The following IGFL2 variants were observed in gnomAD, a reference collection of about 807,000 sequenced individuals.
IGFL2 encodes the protein IGF like family member 2, also known as insulin growth factor-like family member 2.
IGFL2 carries 7 observed loss-of-function variants against 13.9 expected under a neutral mutation model. The observed-to-expected ratio is 0.51, with a 90% CI of 0.29 to 0.95. The LOEUF is 0.95. Among genes scored for constraint, IGFL2 ranks in the 40% least tolerant of loss-of-function variants. The pLI is 0.08. For missense variants in IGFL2, 138 were observed against 147.8 expected (o/e 0.93, Z 0.34); for synonymous variants, 55 against 55.8 (o/e 0.99, Z 0.07).
the IGFL2 span, among the ~76,000 whole-genome samples, chr19:46,123,010 A>G: frequency 1.1e-4 from 16 of 151,070 alleles, no homozygotes; most frequent in Non-Finnish European, 2.2e-4. Flanking sequence ...ATGCTATGAC[A>G]TGATTTTCCC....
chr19:46,183,796 A>G, the IGFL2 span, among the ~76,000 whole-genome samples: 3 of 152,100 alleles, frequency 2.0e-5, no homozygotes, highest in African/African-American at 7.2e-5. Flanking sequence ...TCGGCCTTCC[A>G]AAGTGCTGGG....
At chr19:46,093,161 T>C in the IGFL2 span, among the ~76,000 whole-genome samples, 1 of 152,198 alleles carries the variant, frequency 6.6e-6, no homozygotes, top group East Asian at 1.9e-4. Flanking sequence ...AGATCTTTGC[T>C]TAAAGACCTT....
At chr19:46,208,725 G>T in the IGFL2 span, 1 of 152,096 alleles carries the variant, frequency 6.6e-6, no homozygotes, top group South Asian at 2.1e-4. Flanking sequence ...GAAGTTCCCG[G>T]CTCGCTCTCT....
At chr19:46,129,329 G>GTGTGTGTGTC in the IGFL2 span, among the ~76,000 whole-genome samples, 2 of 151,302 alleles carry the variant, frequency 1.3e-5, no homozygotes, top group South Asian at 2.1e-4. Context: ...GTGTGTGTGT[G>GTGTGTGTGTC]TGTGTGTGTG....
chr19:46,107,341 A>C, the IGFL2 span, among the ~76,000 whole-genome samples: 1 of 152,162 alleles, frequency 6.6e-6, no homozygotes. Context: ...TCTGGGAAGG[A>C]GTCAGTCAGA....
the IGFL2 span, among the ~76,000 whole-genome samples, chr19:46,098,855 C>A: frequency 6.6e-6 from 1 of 152,192 alleles, no homozygotes; most frequent in African/African-American, 2.4e-5. Flanking sequence ...TGTGTTTGAT[C>A]CTGTCATCAT....
the IGFL2 span, among the ~76,000 whole-genome samples, chr19:46,100,120 A>G: frequency 6.6e-6 from 1 of 151,814 alleles, no homozygotes. Context: ...CCTTCTGTCA[A>G]CTCATCCATC....
At chr19:46,119,782 C>A in the IGFL2 span, among the ~76,000 whole-genome samples, 3 of 148,142 alleles carry the variant, frequency 2.0e-5, no homozygotes, top group Non-Finnish European at 3.0e-5. Context: ...CTCAATTGCT[C>A]ACCAGTGGGT....
upstream of IGFL2, among the ~76,000 whole-genome samples, chr19:46,139,955 CATAT>C (rs368791741): frequency 6.6e-6 from 1 of 151,204 alleles, no homozygotes; most frequent in Non-Finnish European, 1.5e-5. Flanking sequence ...CACACACACA[CATAT>C]ATATTTTGAG....
upstream of IGFL2, among the ~76,000 whole-genome samples, chr19:46,145,589 C>A (rs1394496338): frequency 7.3e-6 from 1 of 136,490 alleles, no homozygotes; most frequent in Non-Finnish European, 1.5e-5. Context: ...ATTAAGGACA[C>A]ACTCATATAT....
chr19:46,145,008 G>A (rs1377585856), upstream of IGFL2, among the ~76,000 whole-genome samples: 1 of 152,124 alleles, frequency 6.6e-6, no homozygotes, highest in African/African-American at 2.4e-5. Flanking sequence ...GTGTACCACG[G>A]TGTGTCTCCC....
the IGFL2 span, chr19:46,124,759 G>A: frequency 2.1e-6 from 2 of 932,054 alleles, no homozygotes; most frequent in East Asian, 2.5e-5. Flanking sequence ...CTGATTGGAT[G>A]GCTGCTGATC....
the IGFL2 span, chr19:46,195,151 G>A: frequency 6.6e-6 from 1 of 151,648 alleles, no homozygotes; most frequent in African/African-American, 2.4e-5. Context: ...AAGTAGCTGG[G>A]ACTGCAGGTA....
In IGFL2 at chr19:46,160,431, AGTCT is replaced by A; in HGVS notation, c.41_44del (p.Cys14SerfsTer46). 1.2e-6 allele frequency: 2 copies of A among 1,613,538 alleles called. No individual in the cohort carries two copies. The highest frequency in any genetic ancestry group is 1.7e-6 in the Non-Finnish European group (2 of 1,179,696). ...CTCTCCCAGCTCCTGCTTATGTGTC[AGTCT>A]GTCTCCTCCTCTTGTGTCCAAGGGA... is the stretch of plus-strand genomic sequence containing the variant. On this transcript the variant is annotated frameshift_variant, in exon 2 of 4. Coordinates refer to ENST00000377693, the MANE Select transcript of IGFL2 (RefSeq NM_001135113.2). LOFTEE classifies it high-confidence loss of function.
At chr19:46,196,319 G>A in the IGFL2 span, 9 of 203,672 alleles carry the variant, frequency 4.4e-5, no homozygotes, top group East Asian at 1.7e-4. Flanking sequence ...AGCCACCACC[G>A]AGGCTCACTC....
chr19:46,103,769 C>T, the IGFL2 span, among the ~76,000 whole-genome samples: 2 of 152,116 alleles, frequency 1.3e-5, no homozygotes, highest in Non-Finnish European at 2.9e-5. Context: ...ACGAAGAGAC[C>T]TAATAAAAAT....
chr19:46,153,840 T>TA lies in IGFL2; in HGVS notation c.19+5543_19+5544insA, dbSNP rs1491205746. 4.3e-4 allele frequency among the ~76,000 whole-genome samples: 60 copies of TA among 138,072 alleles called. 1 individual carries two copies. Among genetic ancestry groups the TA allele is most frequent in the South Asian group, 3.3e-3 (14 of 4,302 alleles). The allele number at this position is 138,072 out of a possible 152,430, so 90.6% of individuals were successfully genotyped here. On this transcript the variant is annotated intron_variant, in intron 1 of 3. Transcript: ENST00000377693. Reference sequence around the variant, plus strand: ...GTGTATATATATATATATATATATATTTTTTTTACTTTAAGTTCTGGGATT... The same window carrying TA: ...GTGTATATATATATATATATATATATATTTTTTTACTTTAAGTTCTGGGATT...
At chr19:46,211,583 T>G in the IGFL2 span, 1 of 152,010 alleles carries the variant, frequency 6.6e-6, no homozygotes, top group African/African-American at 2.4e-5. Flanking sequence ...CCTCCGGGGT[T>G]TCACATTCCG....
chr19:46,156,236 A>G (rs1051084152), intron 1 of IGFL2, among the ~76,000 whole-genome samples: 1 of 152,230 alleles, frequency 6.6e-6, no homozygotes, highest in Non-Finnish European at 1.5e-5. Flanking sequence ...TCTTTGTTAT[A>G]TTGAGTCTTC....
Sources: allele counts gnomAD v4.1 joint callset (sites outside exome capture counted in the v4.1 genomes callset), GRCh38; gene constraint gnomAD v4.1.1; transcripts MANE v1.5; gene names NCBI Gene and HGNC (gene_info 2026-07-23, HGNC 2026-07-21).